CTNNA3: variants seen among roughly 807,000 people sequenced by gnomAD.
CTNNA3 encodes catenin alpha-3.
CTNNA3 carries 76 observed loss-of-function variants against 95.7 expected under a neutral mutation model. The ratio of observed to expected loss-of-function variants is 0.79; its 90% CI spans 0.66 to 0.96. The LOEUF (loss-of-function observed/expected upper bound fraction) is 0.96, where lower values mean the gene tolerates loss of function less well. Among genes scored for constraint, CTNNA3 ranks in the 40% least tolerant of loss-of-function variants. The probability of loss-of-function intolerance (pLI) is 0.00; values close to 1 mark genes in which losing one functional copy is unlikely to be tolerated. For synonymous variants in CTNNA3, 431 were observed against 374.4 expected (o/e 1.15, Z -1.74); for missense variants, 1,191 against 1,089.8 (o/e 1.09, Z -1.31).
chr10:67,279,946 T>C (rs1182360665), intron 5 of CTNNA3, among the ~76,000 whole-genome samples: 1 of 150,608 alleles, frequency 6.6e-6, no homozygotes, highest in Non-Finnish European at 1.5e-5. Context: ...ACATCTATCA[T>C]TACTTCATAA....
chr10:66,173,415 T>C (rs2085532665), intron 13 of CTNNA3, among the ~76,000 whole-genome samples: 1 of 152,106 alleles, frequency 6.6e-6, no homozygotes, highest in South Asian at 2.1e-4. Context: ...TTTAATGTGG[T>C]AACAAAGAAT....
chr10:66,265,106 A>T (rs1052640106), intron 13 of CTNNA3, among the ~76,000 whole-genome samples: 1 of 152,010 alleles, frequency 6.6e-6, no homozygotes, highest in South Asian at 2.1e-4. Context: ...TGCAAGATAC[A>T]CTTTAAAATC....
At chr10:67,237,120 GTGTA>G (rs202178537) in intron 5 of CTNNA3, among the ~76,000 whole-genome samples, 2,960 of 15,340 alleles carry the variant, frequency 0.19, 557 homozygotes, top group East Asian at 0.42. Context: ...AGAAACTATG[GTGTA>G]TGTATATATA....
chr10:66,668,578 C>T (rs57796532), intron 9 of CTNNA3, among the ~76,000 whole-genome samples: 4,179 of 151,866 alleles, frequency 0.028, 192 homozygotes, highest in African/African-American at 0.092. Context: ...TTTGGGAGGC[C>T]GAGGTGGGCG....
intron 10 of CTNNA3, among the ~76,000 whole-genome samples, chr10:66,595,265 A>G (rs949918064): frequency 7.9e-5 from 12 of 152,006 alleles, no homozygotes; most frequent in African/African-American, 2.9e-4. Context: ...TAAAAGATGC[A>G]TTTAGTTTGA....
At position 66,128,853 on chromosome 10, in the gene CTNNA3, C is replaced by T. The variant is rs573086676; in HGVS notation, c.1885-25604G>A. ...CCACTCTGGTGGAGGATGTTGATAA[C>T]GGGAAAGGCTGTGTGAGTTTGTGTG... On this transcript the variant is annotated intron_variant, in intron 13 of 17. Coordinates refer to ENST00000433211, the MANE Select transcript of CTNNA3 (RefSeq NM_013266.4). Among the ~76,000 whole-genome samples, 11 of 151,886 alleles carry T rather than the reference C, an allele frequency of 7.2e-5. No individual in the cohort carries two copies. The South Asian group carries it at 1.5e-3, about 20-fold the overall frequency.
rs1842111949 is a variant in CTNNA3, at chr10:66,816,969, GA to G, written c.1048-41446del. On this transcript the variant is annotated intron_variant, in intron 7 of 17. Transcript: ENST00000433211. ...CAAGAGACATTAGAAAATATTTTGA[GA>G]TATATTAAAGCAAAAATACAACATA... Among the ~76,000 whole-genome samples the G allele has an allele frequency of 2.0e-5, 3 of 151,978 alleles. No homozygotes were observed. In the South Asian group the frequency reaches 6.2e-4, roughly 31 times the overall value.
intron 1 of CTNNA3, among the ~76,000 whole-genome samples, chr10:67,730,309 T>C (rs1319665132): frequency 6.6e-6 from 1 of 150,386 alleles, no homozygotes; most frequent in Non-Finnish European, 1.5e-5. Context: ...TCATTGGACC[T>C]TTCCTTGGGC....
chr10:67,030,210 C>A (rs1191107614), intron 7 of CTNNA3, among the ~76,000 whole-genome samples: 1 of 152,166 alleles, frequency 6.6e-6, no homozygotes, highest in Non-Finnish European at 1.5e-5. Flanking sequence ...TGCATTTTTA[C>A]ACTTAGCAGC....
At chr10:66,217,132 G>C (rs2088596557) in intron 13 of CTNNA3, among the ~76,000 whole-genome samples, 1 of 152,102 alleles carries the variant, frequency 6.6e-6, no homozygotes, top group African/African-American at 2.4e-5. Context: ...AAGGAGGGTG[G>C]ATCACGAGGT....
chr10:66,771,010 A>G (rs943643920), intron 8 of CTNNA3, among the ~76,000 whole-genome samples: 1 of 152,128 alleles, frequency 6.6e-6, no homozygotes, highest in African/African-American at 2.4e-5. Context: ...TCTCTTGTGG[A>G]TACATAATGT....
At chr10:67,482,069 C>T (rs1048813638) in intron 5 of CTNNA3, among the ~76,000 whole-genome samples, 1 of 152,034 alleles carries the variant, frequency 6.6e-6, no homozygotes, top group African/African-American at 2.4e-5. Context: ...AGATATACGG[C>T]TTTATTTCTG....
At chr10:66,798,007 A>G (rs1057235638) in intron 7 of CTNNA3, among the ~76,000 whole-genome samples, 3 of 151,814 alleles carry the variant, frequency 2.0e-5, no homozygotes, top group African/African-American at 7.2e-5. Flanking sequence ...TCTTACCACA[A>G]GGAGACTATT....
chr10:66,522,488 G>C lies in CTNNA3; in HGVS notation c.1375-1715C>G, dbSNP rs539347144. On this transcript the variant is annotated intron_variant, in intron 10 of 17. Transcript: ENST00000433211. The stretch of plus-strand genomic sequence containing the variant: ...GTTCTTATGATAGTTGAGTTCTCAC[G>C]AGATCTGATAGTTTCATAAGGGGAT... Among the ~76,000 whole-genome samples the C allele has an allele frequency of 2.6e-5, 4 of 152,058 alleles. No homozygotes were observed. In the East Asian group the frequency reaches 7.7e-4, roughly 29 times the overall value.
intron 7 of CTNNA3, among the ~76,000 whole-genome samples, chr10:66,803,866 G>A (rs542166310): frequency 6.6e-6 from 1 of 151,636 alleles, no homozygotes; most frequent in Non-Finnish European, 1.5e-5. Flanking sequence ...AAATAGGCAT[G>A]AATAATGATT....
chr10:66,761,393 C>G (rs1195450464), intron 9 of CTNNA3, among the ~76,000 whole-genome samples: 1 of 152,074 alleles, frequency 6.6e-6, no homozygotes, highest in Non-Finnish European at 1.5e-5. Flanking sequence ...CACCGACAAA[C>G]CTGGCTTTCC....
At chr10:67,411,903 G>A (rs982595660) in intron 5 of CTNNA3, among the ~76,000 whole-genome samples, 2 of 152,148 alleles carry the variant, frequency 1.3e-5, no homozygotes, top group East Asian at 1.9e-4. Flanking sequence ...AATCTTACCA[G>A]CACTGGCTGT....
chr10:67,016,255 G>A (rs1170901004), intron 7 of CTNNA3, among the ~76,000 whole-genome samples: 1 of 152,190 alleles, frequency 6.6e-6, no homozygotes, highest in Non-Finnish European at 1.5e-5. Flanking sequence ...GAAGAGGAAG[G>A]GGATAGCTGG....
At chr10:66,446,081 G>C (rs2093418533) in intron 11 of CTNNA3, among the ~76,000 whole-genome samples, 1 of 152,128 alleles carries the variant, frequency 6.6e-6, no homozygotes, top group Non-Finnish European at 1.5e-5. Context: ...TAGAAGAAAT[G>C]GATAAATTCC....
Sources: gnomAD v4.1 joint callset for allele counts (sites outside exome capture counted in the v4.1 genomes callset) on GRCh38, gnomAD v4.1.1 for gene constraint, MANE v1.5 for transcripts, NCBI Gene and HGNC (gene_info 2026-07-23, HGNC 2026-07-21) for gene names.